Variants in DOCK1 observed in about 807,000 individuals in gnomAD.
DOCK1 encodes the protein dedicator of cytokinesis 1, also known as dedicator of cytokinesis protein 1.
A neutral mutation model predicts 262.7 loss-of-function variants in DOCK1; 138 were observed. The observed-to-expected ratio is 0.53, with a 90% CI of 0.46 to 0.61. DOCK1 has a LOEUF of 0.61. DOCK1 is among the 20% of genes least tolerant of loss of function. The pLI is 0.00. For synonymous variants in DOCK1, 866 were observed against 867.4 expected (o/e 1.00, Z 0.03); for missense variants, 1,908 against 2,370.7 (o/e 0.80, Z 4.05).
At chr10:126,931,790 T>C (rs2034208730) in intron 1 of DOCK1, among the ~76,000 whole-genome samples, 1 of 152,150 alleles carries the variant, frequency 6.6e-6, no homozygotes, top group Admixed American at 6.5e-5. Flanking sequence ...ACTGAGGATA[T>C]GCGTGGCCCC....
intron 38 of DOCK1, among the ~76,000 whole-genome samples, chr10:127,397,608 C>A (rs55822662): frequency 7.2e-6 from 1 of 139,628 alleles, no homozygotes; most frequent in African/African-American, 2.7e-5. Context: ...ACACGGGCAG[C>A]GTCTCCTATG....
chr10:127,406,520 A>G (rs542706324), intron 40 of DOCK1, among the ~76,000 whole-genome samples: 41 of 152,230 alleles, frequency 2.7e-4, no homozygotes, highest in Non-Finnish European at 4.8e-4. Flanking sequence ...GCAGGGGTCA[A>G]TCTGCCAATG....
chr10:127,384,759 C>A, intron 37 of DOCK1, 31 bp from the exon 38 acceptor site: 1 of 1,521,854 alleles, frequency 6.6e-7, no homozygotes, highest in Non-Finnish European at 8.8e-7. Context: ...GTTTCCGCCT[C>A]GGGTCCGCTC....
At chr10:126,975,227 C>A (rs1197857850) in intron 2 of DOCK1, among the ~76,000 whole-genome samples, 1 of 152,174 alleles carries the variant, frequency 6.6e-6, no homozygotes, top group Non-Finnish European at 1.5e-5. Flanking sequence ...TCATGTTTTA[C>A]TAACTGCCTG....
At chr10:126,908,421 A>G (rs1308010034) in intron 1 of DOCK1, among the ~76,000 whole-genome samples, 1 of 152,194 alleles carries the variant, frequency 6.6e-6, no homozygotes, top group Non-Finnish European at 1.5e-5. Flanking sequence ...GGTGGACCAC[A>G]CTTCCACTCT....
At chr10:127,411,564 G>A (rs1029756054) in intron 43 of DOCK1, among the ~76,000 whole-genome samples, 1 of 152,178 alleles carries the variant, frequency 6.6e-6, no homozygotes, top group Non-Finnish European at 1.5e-5. Flanking sequence ...TTCCAGGCCA[G>A]GCATGGTGGC....
intron 27 of DOCK1, among the ~76,000 whole-genome samples, chr10:127,223,405 CTACT>C (rs2058514326): frequency 1.3e-5 from 2 of 152,048 alleles, no homozygotes; most frequent in Non-Finnish European, 2.9e-5. Flanking sequence ...CCTTCAATTT[CTACT>C]TACTTAGTAG....
intron 10 of DOCK1, among the ~76,000 whole-genome samples, chr10:127,004,770 C>T (rs2040876785): frequency 4.0e-5 from 2 of 50,206 alleles, no homozygotes; most frequent in African/African-American, 6.2e-5. Flanking sequence ...CCCTGCCCCG[C>T]CACCCCCCCG....
chr10:127,140,062 G>A (rs1455757810), intron 27 of DOCK1, among the ~76,000 whole-genome samples: 1 of 152,110 alleles, frequency 6.6e-6, no homozygotes, highest in Non-Finnish European at 1.5e-5. Context: ...AATATTGAAG[G>A]TGTGTTCTCC....
At chr10:127,329,821 G>C (rs917499033) in intron 29 of DOCK1, among the ~76,000 whole-genome samples, 8 of 152,154 alleles carry the variant, frequency 5.3e-5, no homozygotes, top group African/African-American at 1.9e-4. Flanking sequence ...ACCAAGTAGT[G>C]GAGAGTAGAG....
chr10:127,328,701 GT>G (rs1174953905), intron 29 of DOCK1, among the ~76,000 whole-genome samples: 1 of 152,194 alleles, frequency 6.6e-6, no homozygotes. Context: ...CTGGGTGTGT[GT>G]TTGTTTATGC....
chr10:127,363,844 G>A (rs2064736174), intron 33 of DOCK1, among the ~76,000 whole-genome samples: 1 of 152,186 alleles, frequency 6.6e-6, no homozygotes, highest in South Asian at 2.1e-4. Flanking sequence ...TGAGGGCAGG[G>A]AGACTGAGAT....
chr10:127,294,584 A>G (rs2061444908), intron 29 of DOCK1, among the ~76,000 whole-genome samples: 1 of 151,668 alleles, frequency 6.6e-6, no homozygotes, highest in South Asian at 2.1e-4. Flanking sequence ...GGCCTCCCAA[A>G]GTGCTGAGAC....
chr10:127,185,992 A>G (rs1013167620), intron 27 of DOCK1, among the ~76,000 whole-genome samples: 1 of 152,200 alleles, frequency 6.6e-6, no homozygotes, highest in African/African-American at 2.4e-5. Flanking sequence ...AAGATATGGT[A>G]GTGGCAAAAT....
chr10:127,122,927 A>G (rs1440574084), intron 25 of DOCK1, among the ~76,000 whole-genome samples: 3 of 152,172 alleles, frequency 2.0e-5, no homozygotes, highest in African/African-American at 7.2e-5. Flanking sequence ...TGAGAATAGC[A>G]CAGATCACAA....
intron 21 of DOCK1, among the ~76,000 whole-genome samples, chr10:127,052,450 G>T (rs1405531960): frequency 6.6e-6 from 1 of 151,762 alleles, no homozygotes; most frequent in African/African-American, 2.4e-5. Context: ...CTTGAGCCCG[G>T]AAGGCAGAGG....
chr10:127,280,845 C>T (rs968676217), intron 29 of DOCK1, among the ~76,000 whole-genome samples: 13 of 152,124 alleles, frequency 8.5e-5, no homozygotes, highest in Admixed American at 3.3e-4. Context: ...TTTTACTCCA[C>T]GCTAAGAACA....
intron 1 of DOCK1, among the ~76,000 whole-genome samples, chr10:126,960,955 A>G (rs954711221): frequency 6.6e-6 from 1 of 151,990 alleles, no homozygotes; most frequent in African/African-American, 2.4e-5. Flanking sequence ...AGATATTAAA[A>G]TGTCTTTTAC....
intron 48 of DOCK1, among the ~76,000 whole-genome samples, chr10:127,434,079 C>T (rs540440545): frequency 6.6e-6 from 1 of 152,126 alleles, no homozygotes; most frequent in South Asian, 2.1e-4. Context: ...CCTCCACTGT[C>T]CCCCTGTGAC....
Sources: allele counts gnomAD v4.1 joint callset (sites outside exome capture counted in the v4.1 genomes callset), GRCh38; gene constraint gnomAD v4.1.1; transcripts MANE v1.5; gene names NCBI Gene and HGNC (gene_info 2026-07-23, HGNC 2026-07-21).